HLCS: variants seen among roughly 807,000 people sequenced by gnomAD.
HLCS encodes biotin--protein ligase.
HLCS carries 53 observed loss-of-function variants against 75.0 expected under a neutral mutation model. That is an observed-to-expected ratio of 0.71 (90% CI 0.57 to 0.89). The LOEUF (loss-of-function observed/expected upper bound fraction) is 0.89. HLCS is among the 40% of genes least tolerant of loss of function. HLCS has a pLI of 0.00. For synonymous variants in HLCS, 431 were observed against 428.6 expected (o/e 1.01, Z -0.07); for missense variants, 966 against 1,074.0 (o/e 0.90, Z 1.41).
chr21:36,889,279 G>A (rs1286979118), intron 6 of HLCS, among the ~76,000 whole-genome samples: 1 of 152,186 alleles, frequency 6.6e-6, no homozygotes, highest in African/African-American at 2.4e-5. Context: ...TATTCAGGAT[G>A]CACAAGTATA....
At chr21:36,985,036 A>T (rs750171015) in intron 1 of HLCS, among the ~76,000 whole-genome samples, 1 of 152,176 alleles carries the variant, frequency 6.6e-6, no homozygotes, top group African/African-American at 2.4e-5. Flanking sequence ...TGCAGAAACC[A>T]TGACCCTTCA....
rs75216317 is a variant in HLCS at position 36,839,979 on chromosome 21, G to A, written c.1892+56881C>T. ...AATTTGTTAGCACAATTTTGGAAGT[G>A]CTTTCCAAGGAGCAAGAAAAACTTC... On this transcript the variant is annotated intron_variant, in intron 6 of 10. Coordinates refer to ENST00000674895, the MANE Select transcript of HLCS (RefSeq NM_001352514.2). Among the ~76,000 whole-genome samples, 25 of 152,350 alleles carry A rather than the reference G, an allele frequency of 1.6e-4. No homozygotes were observed. In the East Asian group the frequency reaches 4.6e-3, roughly 28 times the overall value.
chr21:36,936,370 G>T, intron 4 of HLCS, 79 bp downstream of exon 4: 1 of 1,244,776 alleles, frequency 8.0e-7, no homozygotes, highest in Non-Finnish European at 1.2e-6. Flanking sequence ...TTTTAAGCGT[G>T]TACCTTTAAA....
At chr21:36,948,884 C>T (rs139570561) in intron 2 of HLCS, among the ~76,000 whole-genome samples, 2 of 151,904 alleles carry the variant, frequency 1.3e-5, no homozygotes, top group African/African-American at 2.4e-5. Flanking sequence ...AGAGGAATTG[C>T]GAAACCATGA....
chr21:36,801,679 T>G lies in HLCS; in HGVS notation c.1893-34394A>C, dbSNP rs150631305. ...AGAGTCTATTAACTTTCCTTCCTAG[T>G]CAAGGGATGCACAAAAATTTAGCAA... is the stretch of plus-strand genomic sequence containing the variant. On this transcript the variant is annotated intron_variant, in intron 6 of 10. Coordinates refer to ENST00000674895, the MANE Select transcript of HLCS (RefSeq NM_001352514.2). 6.5e-3 allele frequency among the ~76,000 whole-genome samples: 994 copies of G among 152,344 alleles called. 7 individuals are homozygous for G. Among genetic ancestry groups the G allele is most frequent in the African/African-American group, 0.023 (938 of 41,578 alleles).
chr21:36,784,944 A>T (rs1418935196), intron 6 of HLCS, among the ~76,000 whole-genome samples: 1 of 152,156 alleles, frequency 6.6e-6, no homozygotes, highest in East Asian at 1.9e-4. Flanking sequence ...CTACAGAGTG[A>T]AGGGGCATCT....
chr21:36,757,898 G>A (rs188284110), intron 9 of HLCS, among the ~76,000 whole-genome samples: 8 of 152,140 alleles, frequency 5.3e-5, no homozygotes, highest in Admixed American at 2.6e-4. Context: ...AAATTCTCCC[G>A]TGTTCAGAAA....
At chr21:36,907,667 G>A (rs2065518526) in intron 5 of HLCS, among the ~76,000 whole-genome samples, 1 of 151,924 alleles carries the variant, frequency 6.6e-6, no homozygotes, top group Non-Finnish European at 1.5e-5. Flanking sequence ...AAAAGAGAGA[G>A]AAAGGGAAAG....
chr21:36,764,214 T>C (rs1209614663), intron 8 of HLCS, among the ~76,000 whole-genome samples: 1 of 152,142 alleles, frequency 6.6e-6, no homozygotes, highest in East Asian at 1.9e-4. Context: ...CTGGCCAACA[T>C]GGTGAAACTC....
chr21:36,856,022 C>T (rs2063180201), intron 6 of HLCS, among the ~76,000 whole-genome samples: 2 of 151,968 alleles, frequency 1.3e-5, no homozygotes, highest in African/African-American at 4.8e-5. Flanking sequence ...CAGGCAAATC[C>T]ATAGAAACAG....
At chr21:36,986,548 A>G (rs1601949178) in intron 1 of HLCS, among the ~76,000 whole-genome samples, 1 of 152,176 alleles carries the variant, frequency 6.6e-6, no homozygotes, top group Non-Finnish European at 1.5e-5. Context: ...CCTCCTGAGT[A>G]GCTGGGATTA....
At chr21:36,763,492 A>T (rs1028244017) in intron 8 of HLCS, among the ~76,000 whole-genome samples, 7 of 152,238 alleles carry the variant, frequency 4.6e-5, no homozygotes, top group Admixed American at 4.6e-4. Flanking sequence ...CAGAGACGTC[A>T]GCATTAACTA....
intron 5 of HLCS, among the ~76,000 whole-genome samples, chr21:36,913,236 T>C (rs542085108): frequency 6.6e-6 from 1 of 152,294 alleles, no homozygotes; most frequent in South Asian, 2.1e-4. Context: ...TCCCAAATCC[T>C]TGCTCTAATT....
At chr21:36,931,055 G>A (rs1205598194) in intron 4 of HLCS, among the ~76,000 whole-genome samples, 4 of 152,106 alleles carry the variant, frequency 2.6e-5, no homozygotes, top group East Asian at 3.9e-4. Context: ...AAGCCAAGGC[G>A]GGCAGATCAC....
At chr21:36,963,291 T>A (rs1364678424) in intron 1 of HLCS, among the ~76,000 whole-genome samples, 1 of 152,052 alleles carries the variant, frequency 6.6e-6, no homozygotes, top group East Asian at 1.9e-4. Context: ...CTGAGCGGGG[T>A]ATGCAGGAGG....
intron 6 of HLCS, among the ~76,000 whole-genome samples, chr21:36,835,872 C>T (rs944501165): frequency 6.6e-6 from 1 of 151,918 alleles, no homozygotes; most frequent in Non-Finnish European, 1.5e-5. Flanking sequence ...TTCCATGGGC[C>T]CTTTTGTGTG....
chr21:36,842,780 A>T lies in HLCS; in HGVS notation c.1892+54080T>A, dbSNP rs2062660848. Among the ~76,000 whole-genome samples, 2 of 152,168 alleles carry T rather than the reference A, an allele frequency of 1.3e-5. No homozygotes were observed. The highest frequency in any genetic ancestry group is 2.9e-5 in the Non-Finnish European group (2 of 68,032). On this transcript the variant is annotated intron_variant, in intron 6 of 10. Transcript: ENST00000674895. This position sits in a 1 kb window ranked among gnomAD's most constrained non-coding sequence, Gnocchi z 4.2. ...AACAACCAAAAAAACTATCTTTATT[A>T]TTGATAAAACAATTCAAGGCCACGA...
chr21:36,958,223 A>T (rs1001909302), intron 2 of HLCS, among the ~76,000 whole-genome samples: 1 of 148,920 alleles, frequency 6.7e-6, no homozygotes, highest in Non-Finnish European at 1.5e-5. Context: ...AGCCTGGGCG[A>T]CAGAGTGAGA....
rs1339180367 is a variant in HLCS, at chr21:36,748,787, T to C, written c.*5459A>G. The C allele has an allele frequency of 6.6e-6, 1 of 152,626 alleles. No individual in the cohort carries two copies. The highest frequency in any genetic ancestry group is 1.5e-5 in the Non-Finnish European group (1 of 68,044). The allele number at this position is 152,626 out of a possible 1,614,324, so 9.5% of individuals were successfully genotyped here. A position where few individuals can be genotyped will look rare whatever the true frequency, so the allele number is the denominator to read the frequency against. Reference sequence around the variant, plus strand: ...ACTTCCCCCTAACCCCTATGAACTCTTGATAACACCAAGAGTAGCACCTTC... The same window carrying C: ...ACTTCCCCCTAACCCCTATGAACTCCTGATAACACCAAGAGTAGCACCTTC... On this transcript the variant is annotated 3_prime_UTR_variant, in exon 11 of 11. Coordinates refer to ENST00000674895, the MANE Select transcript of HLCS (RefSeq NM_001352514.2).
Sources: allele counts gnomAD v4.1 joint callset (sites outside exome capture counted in the v4.1 genomes callset), GRCh38; gene constraint gnomAD v4.1.1; non-coding constraint Gnocchi (gnomAD v3.1); transcripts MANE v1.5; gene names NCBI Gene and HGNC (gene_info 2026-07-23, HGNC 2026-07-21).